FGD4: variants seen among roughly 807,000 people sequenced by gnomAD.
FGD4 encodes the protein FYVE, RhoGEF and PH domain containing 4, also known as FYVE, RhoGEF and PH domain-containing protein 4.
FGD4 carries 42 observed loss-of-function variants against 102.0 expected under a neutral mutation model. That is an observed-to-expected ratio of 0.41 (90% confidence interval 0.32 to 0.53). The LOEUF (loss-of-function observed/expected upper bound fraction) is 0.53, where lower values mean the gene tolerates loss of function less well. Among genes scored for constraint, FGD4 ranks in the 20% least tolerant of loss-of-function variants. The pLI is 0.21. For synonymous variants in FGD4, 380 were observed against 375.7 expected (o/e 1.01, Z -0.13); for missense variants, 902 against 1,078.2 (o/e 0.84, Z 2.29).
chr12:32,587,324 CT>C (rs895541985), intron 4 of FGD4, among the ~76,000 whole-genome samples: 3 of 151,860 alleles, frequency 2.0e-5, no homozygotes, highest in Admixed American at 6.6e-5. Flanking sequence ...TGACACATCA[CT>C]TTTTTTGTAA....
intron 1 of FGD4, among the ~76,000 whole-genome samples, chr12:32,560,974 A>G (rs1944497732): frequency 6.6e-6 from 1 of 151,398 alleles, no homozygotes; most frequent in African/African-American, 2.4e-5. Flanking sequence ...TTGAGACAAT[A>G]CTTGGAACTC....
intron 11 of FGD4, among the ~76,000 whole-genome samples, chr12:32,624,184 A>G (rs1291366693): frequency 6.6e-6 from 1 of 152,214 alleles, no homozygotes; most frequent in Non-Finnish European, 1.5e-5. Context: ...ATATAAATGG[A>G]AGCTAAACCT....
At chr12:32,560,533 T>C (rs1165278254) in intron 1 of FGD4, among the ~76,000 whole-genome samples, 2 of 152,152 alleles carry the variant, frequency 1.3e-5, no homozygotes, top group African/African-American at 2.4e-5. Context: ...TGAGATTACG[T>C]GAGCCACTGC....
chr12:32,596,064 T>G (rs1947866395), intron 4 of FGD4, among the ~76,000 whole-genome samples: 1 of 152,244 alleles, frequency 6.6e-6, no homozygotes, highest in South Asian at 2.1e-4. Flanking sequence ...AGTTAGACAC[T>G]GGCTTAAAAT....
At chr12:32,567,492 CA>C (rs1945286474) in intron 2 of FGD4, among the ~76,000 whole-genome samples, 1 of 152,032 alleles carries the variant, frequency 6.6e-6, no homozygotes, top group Admixed American at 6.6e-5. Context: ...TACTTGCAGC[CA>C]GTGAGTGCAG....
intron 1 of FGD4, among the ~76,000 whole-genome samples, chr12:32,522,251 C>G (rs891006389): frequency 1.3e-5 from 2 of 151,348 alleles, no homozygotes; most frequent in African/African-American, 4.9e-5. Context: ...TTATCATTAT[C>G]TGTTGTGGGT....
chr12:32,485,905 C>G, intron 1 of FGD4: 1 of 1,257,110 alleles, frequency 8.0e-7, no homozygotes, highest in East Asian at 3.1e-5. Flanking sequence ...GCGTTGCTTG[C>G]GTAGTTCCTT....
intron 1 of FGD4, among the ~76,000 whole-genome samples, chr12:32,555,501 G>A (rs1048546443): frequency 1.3e-5 from 2 of 151,770 alleles, no homozygotes; most frequent in Non-Finnish European, 2.9e-5. Context: ...AAGTGTGGGT[G>A]CAAGTGGGAG....
chr12:32,427,846 T>A lies in FGD4; in HGVS notation c.166+27887T>A, dbSNP rs563404920. 9.2e-5 allele frequency among the ~76,000 whole-genome samples: 14 copies of A among 152,330 alleles called. No individual in the cohort carries two copies. The South Asian group carries it at 1.2e-3, about 14-fold the overall frequency. ...CTTCTTTGTCTCTCTTGATCTTTGT[T>A]GGTTTAAAGTCTGTTTTATCAGAGA... On this transcript the variant is annotated intron_variant, in intron 1 of 16. Transcript: ENST00000534526.
At chr12:32,454,327 T>C (rs1408589512) in intron 1 of FGD4, among the ~76,000 whole-genome samples, 1 of 152,212 alleles carries the variant, frequency 6.6e-6, no homozygotes, top group Non-Finnish European at 1.5e-5. Context: ...TTTCGTTCTT[T>C]GAAATGCAAA....
At chr12:32,629,633 CTG>C (rs1950381039) in intron 14 of FGD4, among the ~76,000 whole-genome samples, 1 of 152,126 alleles carries the variant, frequency 6.6e-6, no homozygotes, top group South Asian at 2.1e-4. Flanking sequence ...GTTTTTATCT[CTG>C]TGTCTCTCTC....
At chr12:32,593,270 G>A (rs957742909) in intron 4 of FGD4, among the ~76,000 whole-genome samples, 1 of 152,140 alleles carries the variant, frequency 6.6e-6, no homozygotes, top group Non-Finnish European at 1.5e-5. Flanking sequence ...TTGTTATTAT[G>A]GTGGTATTAT....
At chr12:32,454,209 C>G (rs929745539) in intron 1 of FGD4, among the ~76,000 whole-genome samples, 7 of 152,170 alleles carry the variant, frequency 4.6e-5, no homozygotes, top group African/African-American at 1.7e-4. Context: ...GTTCTTTTCT[C>G]TAACATTCAC....
chr12:32,516,986 A>G (rs1179371955), intron 1 of FGD4, among the ~76,000 whole-genome samples: 1 of 152,206 alleles, frequency 6.6e-6, no homozygotes, highest in Non-Finnish European at 1.5e-5. Flanking sequence ...AAATCGGGCA[A>G]TTTCAGGTCT....
intron 2 of FGD4, among the ~76,000 whole-genome samples, chr12:32,567,421 G>A (rs777105768): frequency 5.3e-5 from 8 of 152,054 alleles, no homozygotes; most frequent in Non-Finnish European, 5.9e-5. Context: ...ATCCTCCCCC[G>A]ACAATAGGAC....
At chr12:32,533,127 A>C (rs1941953453) in intron 1 of FGD4, among the ~76,000 whole-genome samples, 1 of 152,112 alleles carries the variant, frequency 6.6e-6, no homozygotes, top group Non-Finnish European at 1.5e-5. Flanking sequence ...AGTGGTTCTC[A>C]AAGTGTGATT....
intron 1 of FGD4, among the ~76,000 whole-genome samples, chr12:32,545,886 C>T (rs1284384092): frequency 6.6e-6 from 1 of 152,172 alleles, no homozygotes; most frequent in African/African-American, 2.4e-5. Flanking sequence ...AAGTCTGTAG[C>T]AGGGTATAAT....
chr12:32,600,592 CTTTTT>C, intron 5 of FGD4: 1 of 195,570 alleles, frequency 5.1e-6, no homozygotes, highest in South Asian at 9.9e-5. Context: ...TTCTTTCTTT[CTTTTT>C]TTTTTTTTTG....
At chr12:32,481,506 TC>T (rs1943764585) in intron 1 of FGD4, among the ~76,000 whole-genome samples, 1 of 151,902 alleles carries the variant, frequency 6.6e-6, no homozygotes, top group African/African-American at 2.4e-5. Flanking sequence ...ACCTATGCCG[TC>T]CACTAGCCAC....
Sources: gnomAD v4.1 joint callset for allele counts (sites outside exome capture counted in the v4.1 genomes callset) on GRCh38, gnomAD v4.1.1 for gene constraint, MANE v1.5 for transcripts, NCBI Gene and HGNC (gene_info 2026-07-23, HGNC 2026-07-21) for gene names.